The following SCN2A variants were observed in gnomAD, a reference collection of about 807,000 sequenced individuals.
SCN2A encodes the protein sodium voltage-gated channel alpha subunit 2.
A neutral mutation model predicts 188.7 loss-of-function variants in SCN2A; 20 were observed. That is an observed-to-expected ratio of 0.11 (90% CI 0.07 to 0.15). The LOEUF (loss-of-function observed/expected upper bound fraction) is 0.15, where lower values mean the gene tolerates loss of function less well. Ranked by LOEUF, SCN2A falls within the 10% of genes least tolerant of loss-of-function variation. SCN2A has a pLI of 1.00. For synonymous variants in SCN2A, 804 were observed against 833.1 expected, an observed-to-expected ratio of 0.97 and a Z score of 0.60; for missense variants, 1,278 against 2,445.0, an observed-to-expected ratio of 0.52 and a Z score of 10.07.
chr2:165,262,100 CAAAT>C (rs1694619175), intron 1 of SCN2A, among the ~76,000 whole-genome samples: 2 of 152,146 alleles, frequency 1.3e-5, no homozygotes. Context: ...TTGCCCATCT[CAAAT>C]AATAGGTGGG....
At chr2:165,291,477 T>TC (rs1696151326) in intron 1 of SCN2A, among the ~76,000 whole-genome samples, 1 of 56,952 alleles carries the variant, frequency 1.8e-5, no homozygotes, top group Admixed American at 1.9e-4. Context: ...TTTCTTTCTT[T>TC]CTTTCTTTCT....
At chr2:165,375,426 T>C (rs1701257656) in intron 22 of SCN2A, among the ~76,000 whole-genome samples, 1 of 151,874 alleles carries the variant, frequency 6.6e-6, no homozygotes, top group South Asian at 2.1e-4. Context: ...TACACACACG[T>C]ATTTCTATAT....
intron 17 of SCN2A, among the ~76,000 whole-genome samples, chr2:165,359,904 G>A (rs1369697230): frequency 1.3e-5 from 2 of 151,910 alleles, no homozygotes; most frequent in East Asian, 3.9e-4. Context: ...CCTATTATTT[G>A]TGGTTTTAAA....
At chr2:165,271,406 G>A (rs1034206014) in intron 1 of SCN2A, 3 of 152,034 alleles carry the variant, frequency 2.0e-5, no homozygotes, top group Non-Finnish European at 4.4e-5. Context: ...TAGTACATAG[G>A]AGATACTCGA....
intron 3 of SCN2A, among the ~76,000 whole-genome samples, chr2:165,304,452 G>A (rs955539052): frequency 6.6e-6 from 1 of 152,160 alleles, no homozygotes; most frequent in Non-Finnish European, 1.5e-5. Flanking sequence ...ATCAGAAATT[G>A]TTTTTAAAAA....
At chr2:165,297,460 A>T (rs967995594) in intron 3 of SCN2A, among the ~76,000 whole-genome samples, 2 of 152,230 alleles carry the variant, frequency 1.3e-5, no homozygotes, top group African/African-American at 4.8e-5. Flanking sequence ...TCTTCAATTT[A>T]CAATGTTAGG....
At chr2:165,373,436 T>G (rs1435024170) in intron 21 of SCN2A, 89 bp downstream of exon 21, 2 of 1,473,082 alleles carry the variant, frequency 1.4e-6, no homozygotes, top group Non-Finnish European at 9.4e-7. Context: ...TTATGGAGAA[T>G]TTGTGTCTTA....
At chr2:165,358,399 C>A (rs1265688701) in intron 17 of SCN2A, among the ~76,000 whole-genome samples, 1 of 152,062 alleles carries the variant, frequency 6.6e-6, no homozygotes, top group African/African-American at 2.4e-5. Context: ...ATAGGAATGT[C>A]TGTGTTTCAG....
At chr2:165,368,966 C>T (rs941804993) in intron 19 of SCN2A, among the ~76,000 whole-genome samples, 24 of 151,982 alleles carry the variant, frequency 1.6e-4, no homozygotes, top group African/African-American at 5.6e-4. Flanking sequence ...CTTGCTGTTG[C>T]CCAGGCTGGA....
Position 165,268,525 on chromosome 2 carries a change from G to A in SCN2A, c.-51-27248G>A, listed in dbSNP as rs181578472. ...AATCCTCAACAAAATTGGCATAGGA[G>A]AAACATACCTCAAAGTAATAAAAGC... On this transcript the variant is annotated intron_variant, in intron 1 of 26. Coordinates refer to ENST00000375437, the MANE Select transcript of SCN2A (RefSeq NM_001040142.2). 5 of 151,966 alleles carry A rather than the reference G, an allele frequency of 3.3e-5. No individual in the cohort carries two copies. In the East Asian group the frequency reaches 7.7e-4, roughly 24 times the overall value. 9.4% of individuals were successfully genotyped at this position (151,966 alleles called of 1,614,324 possible). A position where few individuals can be genotyped will look rare whatever the true frequency, so the allele number is the denominator to read the frequency against.
intron 17 of SCN2A, among the ~76,000 whole-genome samples, chr2:165,362,914 G>A (rs1346748397): frequency 1.3e-5 from 2 of 152,066 alleles, no homozygotes; most frequent in Admixed American, 6.6e-5. Context: ...GAGACTTTAT[G>A]AAAGCAAGGA....
chr2:165,246,560 T>G (rs920113310), intron 1 of SCN2A, among the ~76,000 whole-genome samples: 2 of 152,150 alleles, frequency 1.3e-5, no homozygotes, highest in Non-Finnish European at 2.9e-5. Flanking sequence ...TGATTATCTC[T>G]CACTAAATGT....
At chr2:165,303,270 G>GATTTTTTTTT (rs1464026134) in intron 3 of SCN2A, among the ~76,000 whole-genome samples, 1 of 91,332 alleles carries the variant, frequency 1.1e-5, no homozygotes, top group East Asian at 3.7e-4. Flanking sequence ...TGTTATTTGA[G>GATTTTTTTTT]TTTTTTTTTT....
In SCN2A at chr2:165,354,180, G is replaced by A. The variant is rs1015931370; in HGVS notation, c.2920-12G>A. ...AATGTTTTGATCACCTGTTTTTCCTGCTGTGTTTCAGGTTCTGAACCTCTT... is the reference window on the plus strand; with the variant it reads ...AATGTTTTGATCACCTGTTTTTCCTACTGTGTTTCAGGTTCTGAACCTCTT... On this transcript the variant is annotated splice_polypyrimidine_tract_variant and intron_variant, in intron 16 of 26. Transcript: ENST00000375437. 2 of 1,613,224 alleles carry A rather than the reference G, an allele frequency of 1.2e-6. No homozygotes were observed. Among genetic ancestry groups the A allele is most frequent in the Admixed American group, 1.7e-5 (1 of 60,004 alleles).
At chr2:165,361,510 A>G (rs1221321375) in intron 17 of SCN2A, among the ~76,000 whole-genome samples, 1 of 152,084 alleles carries the variant, frequency 6.6e-6, no homozygotes, top group East Asian at 1.9e-4. Context: ...CTGATTCGCT[A>G]TAACTTTTCA....
chr2:165,281,553 A>G (rs1275881817), intron 1 of SCN2A, among the ~76,000 whole-genome samples: 1 of 151,812 alleles, frequency 6.6e-6, no homozygotes, highest in African/African-American at 2.4e-5. Flanking sequence ...GAGAGAAGGA[A>G]GTGAGGGGGG....
chr2:165,276,533 C>T (rs577451743), intron 1 of SCN2A, among the ~76,000 whole-genome samples: 17 of 152,286 alleles, frequency 1.1e-4, no homozygotes, highest in Admixed American at 2.6e-4. Flanking sequence ...CCATTGCTCT[C>T]GAATGCTTTC....
Position 165,373,450 on chromosome 2 carries a change from A to G in SCN2A, c.3972+103A>G, listed in dbSNP as rs140459145. ...TTTATGGAGAATTTGTGTCTTACACATTCATACTGACATAGCTAATCAATC... is the reference window on the plus strand; with the variant it reads ...TTTATGGAGAATTTGTGTCTTACACGTTCATACTGACATAGCTAATCAATC... On this transcript the variant is annotated intron_variant, in intron 21 of 26. Coordinates refer to ENST00000375437, the MANE Select transcript of SCN2A (RefSeq NM_001040142.2). 13 of 1,301,636 alleles carry G rather than the reference A, an allele frequency of 1.0e-5. No homozygotes were observed. In the Admixed American group the frequency reaches 1.6e-4, roughly 16 times the overall value. The allele number at this position is 1,301,636 out of a possible 1,614,324, so 80.6% of individuals were successfully genotyped here.
chr2:165,272,250 A>G (rs1695136315), intron 1 of SCN2A: 1 of 152,120 alleles, frequency 6.6e-6, no homozygotes, highest in Non-Finnish European at 1.5e-5. Context: ...AAGACAAAGG[A>G]TACTAACACA....
Sources: allele counts gnomAD v4.1 joint callset (sites outside exome capture counted in the v4.1 genomes callset), GRCh38; gene constraint gnomAD v4.1.1; transcripts MANE v1.5; gene names NCBI Gene and HGNC (gene_info 2026-07-23, HGNC 2026-07-21).